Variants in LAMC3 observed in about 807,000 individuals in gnomAD.
LAMC3 encodes the protein laminin subunit gamma-3.
In LAMC3, 128 loss-of-function variants were observed where a neutral mutation model predicts 173.8. The ratio of observed to expected loss-of-function variants is 0.74; its 90% CI spans 0.64 to 0.85. The LOEUF (loss-of-function observed/expected upper bound fraction) is 0.85, where lower values mean the gene tolerates loss of function less well. Ranked by LOEUF, LAMC3 falls within the 40% of genes least tolerant of loss-of-function variation. The pLI is 0.00. For synonymous variants in LAMC3, 897 were observed against 909.1 expected, an observed-to-expected ratio of 0.99 and a Z score of 0.24; for missense variants, 2,022 against 2,156.0, an observed-to-expected ratio of 0.94 and a Z score of 1.23.
chr9:131,032,089 C>G lies in LAMC3; in HGVS notation c.723C>G (p.Leu241=). ...STELLISLDR[L]NTFGDDIFKD... ...AACTCCTCATCTCTCTAGACCGGCT[C>G]AACACGTTTGGGGACGACATCTTCA... Residue 241 remains leucine (L), a synonymous_variant, in exon 3 of 28, where the codon CTC becomes CTG. Transcript: ENST00000361069. The G allele has an allele frequency of 6.2e-7, 1 of 1,614,176 alleles. No individual in the cohort carries two copies. The highest frequency in any genetic ancestry group is 8.5e-7 in the Non-Finnish European group (1 of 1,180,036).
intron 8 of LAMC3, among the ~76,000 whole-genome samples, chr9:131,046,053 C>G (rs1834148683): frequency 6.6e-6 from 1 of 152,202 alleles, no homozygotes; most frequent in Non-Finnish European, 1.5e-5. Flanking sequence ...TGCTGAGCAC[C>G]TAACATGCAA....
rs768839534 is a variant in LAMC3 at position 131,073,353 on chromosome 9, G to A, written c.3494+32G>A. 5.2e-6 allele frequency: 8 copies of A among 1,552,724 alleles called. No homozygotes were observed. The African/African-American group carries it at 8.1e-5, about 16-fold the overall frequency. On this transcript the variant is annotated intron_variant, in intron 20 of 27. Transcript: ENST00000361069. The stretch of plus-strand genomic sequence containing the variant: ...CCCAAGACATGGTGAGCTTACACCT[G>A]GCCCTTCTCCTGGGGGTTCCAGGGT...
intron 7 of LAMC3, among the ~76,000 whole-genome samples, chr9:131,043,763 G>C (rs1363632623): frequency 6.6e-6 from 1 of 152,202 alleles, no homozygotes; most frequent in Admixed American, 6.5e-5. Flanking sequence ...AATTGCTACA[G>C]GCAAGAGCTG....
At chr9:131,025,035 G>C (rs1833692124) in intron 1 of LAMC3, among the ~76,000 whole-genome samples, 1 of 152,078 alleles carries the variant, frequency 6.6e-6, no homozygotes, top group African/African-American at 2.4e-5. Context: ...TGGGGAAATT[G>C]CCTTTTTAAA....
intron 7 of LAMC3, among the ~76,000 whole-genome samples, chr9:131,042,977 T>A (rs1834083241): frequency 6.7e-6 from 1 of 149,742 alleles, no homozygotes; most frequent in South Asian, 2.1e-4. Flanking sequence ...ATGGCAGACA[T>A]CACTAAGGCA....
At chr9:131,073,787 G>A (rs761892798) in intron 20 of LAMC3, among the ~76,000 whole-genome samples, 20 of 151,832 alleles carry the variant, frequency 1.3e-4, no homozygotes, top group African/African-American at 1.9e-4. Flanking sequence ...ATCAGCCCCC[G>A]TTTCTCCTTA....
chr9:131,064,605 A>C (rs2133305929), intron 13 of LAMC3, among the ~76,000 whole-genome samples: 1 of 151,606 alleles, frequency 6.6e-6, no homozygotes, highest in Non-Finnish European at 1.5e-5. Context: ...CGGAGCCTGC[A>C]GTGAGCCGAG....
chr9:131,077,207 C>T lies in LAMC3; in HGVS notation c.3650C>T (p.Ala1217Val). Residue 1217 changes from alanine to valine, a missense_variant, in exon 22 of 28, where the codon GCC becomes GTC. Transcript: ENST00000361069. ...LEDRYQEVQA[A>V]QKALRTAVAE... ...CCCAGGTACCAGGAGGTCCAGGCGG[C>T]CCAGAAAGCACTGAGGACGGCTGTG... 1 of 1,613,742 alleles carries T rather than the reference C, an allele frequency of 6.2e-7. No homozygotes were observed. Among genetic ancestry groups the T allele is most frequent in the Non-Finnish European group, 8.5e-7 (1 of 1,180,030 alleles).
chr9:131,047,900 A>AT (rs1834201819), intron 8 of LAMC3, among the ~76,000 whole-genome samples: 1 of 133,802 alleles, frequency 7.5e-6, no homozygotes. Context: ...AATTTTTATT[A>AT]TTTTTATTTA....
Position 131,009,360 on chromosome 9 carries a change from A to G in LAMC3, c.146A>G (p.Gln49Arg), listed in dbSNP as rs201962705. ...FENAAFGRLA[Q>R]ASHTCGSPPE... ...AACGCGGCGTTTGGGCGGCTCGCCC[A>G]GGCCTCGCACACGTGCGGCAGCCCG... Residue 49 changes from glutamine to arginine, a missense_variant, in exon 1 of 28, where the codon CAG (glutamine) becomes CGG (arginine). Physicochemically the swap from Gln to Arg is conservative, Grantham distance 43. Transcript: ENST00000361069. The surrounding 1 kb of genome is among the most constrained non-coding windows in gnomAD (Gnocchi z 4.3). 0.01 allele frequency: 15,164 copies of G among 1,512,498 alleles called. 113 individuals are homozygous for G. The highest frequency in any genetic ancestry group is 0.012 in the Non-Finnish European group (13,764 of 1,136,564). 93.7% of individuals were successfully genotyped at this position (1,512,498 alleles called of 1,614,324 possible).
chr9:131,056,494 G>T (rs1331057995), intron 11 of LAMC3, among the ~76,000 whole-genome samples: 1 of 139,962 alleles, frequency 7.1e-6, no homozygotes. Context: ...TTGACAATTT[G>T]AAAAATAAAA....
intron 22 of LAMC3, among the ~76,000 whole-genome samples, chr9:131,078,787 T>G: frequency 6.6e-6 from 1 of 152,178 alleles, no homozygotes; most frequent in Middle Eastern, 3.2e-3. Flanking sequence ...GCATTCCCAC[T>G]TTGCAGTGGG....
intron 27 of LAMC3, among the ~76,000 whole-genome samples, chr9:131,090,658 A>G (rs539677844): frequency 6.6e-6 from 1 of 152,338 alleles, no homozygotes; most frequent in South Asian, 2.1e-4. Context: ...TGGGAGGCCA[A>G]GGCGGGTGGA....
chr9:131,071,534 G>T lies in LAMC3; in HGVS notation c.3120G>T (p.Gly1040=). ...CTTTGACGGAGGGGTGGCTCCAAGG[G>T]TCCGACTGTGGCAGTCCCTGGGGAC... ...RLTLTEGWLQ[G]SDCGSPWGPL... Residue 1040 remains glycine, a synonymous_variant, in exon 18 of 28, where the codon GGG becomes GGT. Transcript: ENST00000361069. The T allele has an allele frequency of 6.2e-7, 1 of 1,613,754 alleles. No individual in the cohort carries two copies. Among genetic ancestry groups the T allele is most frequent in the South Asian group, 1.1e-5 (1 of 91,006 alleles).
At position 131,011,610 on chromosome 9, in the gene LAMC3, C is replaced by T. The variant is rs571299811; in HGVS notation, c.373+2023C>T. ...GCCACGTCACCTTCTCTCAGCCTAT[C>T]TGGATCACTAGGTGGGGCTTCTGAA... On this transcript the variant is annotated intron_variant, in intron 1 of 27. Coordinates refer to ENST00000361069, the MANE Select transcript of LAMC3 (RefSeq NM_006059.4). Among the ~76,000 whole-genome samples the T allele has an allele frequency of 4.3e-5, 6 of 139,910 alleles. No homozygotes were observed. The South Asian group carries it at 1.4e-3, about 33-fold the overall frequency. 91.8% of individuals were successfully genotyped at this position (139,910 alleles called of 152,430 possible).
chr9:131,040,182 CTAT>C (rs1834023372), intron 6 of LAMC3, among the ~76,000 whole-genome samples: 1 of 143,662 alleles, frequency 7.0e-6, no homozygotes, highest in African/African-American at 3.0e-5. Flanking sequence ...CCCACTATCT[CTAT>C]TTTTTTTTTT....
chr9:131,028,274 G>A (rs1346976904), intron 2 of LAMC3, among the ~76,000 whole-genome samples: 3 of 152,092 alleles, frequency 2.0e-5, no homozygotes, highest in South Asian at 4.1e-4. Flanking sequence ...TGGAAAAATC[G>A]TCTTCCACGA....
intron 25 of LAMC3, 45 bp downstream of exon 25, chr9:131,085,768 G>T (rs1329924384): frequency 6.3e-7 from 1 of 1,589,954 alleles, no homozygotes; most frequent in Middle Eastern, 1.7e-4. Flanking sequence ...TCCCTCCCGG[G>T]GGGACCGCCC....
At chr9:131,052,812 C>A (rs763547597) in intron 10 of LAMC3, 38 bp from the exon 11 acceptor site, 1 of 1,371,734 alleles carries the variant, frequency 7.3e-7, no homozygotes, top group Non-Finnish European at 1.0e-6. Context: ...CCCCCCCACC[C>A]TATGTCGGGA....
Sources: allele counts gnomAD v4.1 joint callset (sites outside exome capture counted in the v4.1 genomes callset), GRCh38; gene constraint gnomAD v4.1.1; non-coding constraint Gnocchi (gnomAD v3.1); transcripts MANE v1.5; gene names NCBI Gene and HGNC (gene_info 2026-07-23, HGNC 2026-07-21).